The following NR1H4 variants were observed in gnomAD, a reference collection of about 807,000 sequenced individuals.
NR1H4 encodes nuclear receptor subfamily 1 group H member 4, also known as bile acid receptor.
NR1H4 carries 23 observed loss-of-function variants against 58.5 expected under a neutral mutation model. The observed-to-expected ratio is 0.39, with a 90% CI of 0.28 to 0.56. NR1H4 has a LOEUF of 0.56. NR1H4 is among the 20% of genes least tolerant of loss of function. The pLI is 0.58. For synonymous variants in NR1H4, 214 were observed against 198.0 expected (o/e 1.08, Z -0.68); for missense variants, 487 against 576.9 (o/e 0.84, Z 1.60).
chr12:100,539,097 T>C (rs1424673509), intron 8 of NR1H4, among the ~76,000 whole-genome samples: 4 of 152,198 alleles, frequency 2.6e-5, no homozygotes, highest in Non-Finnish European at 2.9e-5. Context: ...AGGTAGCTTA[T>C]CTGAAAGCAA....
At chr12:100,498,348 C>T (rs1014849970) in intron 3 of NR1H4, among the ~76,000 whole-genome samples, 10 of 152,084 alleles carry the variant, frequency 6.6e-5, no homozygotes, top group Admixed American at 1.3e-4. Context: ...ATCAACAATA[C>T]GTAAATAAGG....
intron 9 of NR1H4, among the ~76,000 whole-genome samples, chr12:100,547,862 C>G (rs377696819): frequency 6.6e-6 from 1 of 151,174 alleles, no homozygotes; most frequent in Admixed American, 6.6e-5. Flanking sequence ...CTGGGACTAC[C>G]GGGGCGTGCC....
In NR1H4 at chr12:100,563,331, A is replaced by T. The variant is rs1350479981; in HGVS notation, c.1273A>T (p.Ile425Phe). 6.2e-7 allele frequency: 1 copy of T among 1,614,160 alleles called. No homozygotes were observed. Among genetic ancestry groups the T allele is most frequent in the Non-Finnish European group, 8.5e-7 (1 of 1,180,026 alleles). ...TGATGTGCTACAAAAGTTGTGTAAGATTCACCAGCCTGAAAATCCTCAACA... is the reference window on the plus strand; with the variant it reads ...TGATGTGCTACAAAAGTTGTGTAAGTTTCACCAGCCTGAAAATCCTCAACA... The part of the protein sequence containing the change: ...LLDVLQKLCK[I>F]HQPENPQHFA... Residue 425 changes from isoleucine to phenylalanine, a missense_variant, in exon 11 of 11, where the codon ATT becomes TTT. By Grantham distance (21) the Ile-to-Phe change is conservative. Coordinates refer to ENST00000392986, the MANE Select transcript of NR1H4 (RefSeq NM_001206979.2).
At chr12:100,499,626 G>T (rs1158998581) in intron 3 of NR1H4, among the ~76,000 whole-genome samples, 2 of 152,176 alleles carry the variant, frequency 1.3e-5, no homozygotes, top group African/African-American at 2.4e-5. Context: ...TGGCCAGCTG[G>T]TAGGCGATTC....
chr12:100,558,694 A>G (rs1049559349), intron 9 of NR1H4, among the ~76,000 whole-genome samples: 1 of 152,256 alleles, frequency 6.6e-6, no homozygotes, highest in South Asian at 2.1e-4. Context: ...TGAGCTAGAT[A>G]AAAGAGAAAA....
At chr12:100,494,612 G>A (rs1953672384) in intron 3 of NR1H4, among the ~76,000 whole-genome samples, 1 of 152,196 alleles carries the variant, frequency 6.6e-6, no homozygotes, top group African/African-American at 2.4e-5. Context: ...CTTCCAGTTG[G>A]CTTATCTTCA....
intron 3 of NR1H4, chr12:100,503,411 A>G (rs1953880986): frequency 6.3e-7 from 1 of 1,597,582 alleles, no homozygotes; most frequent in Non-Finnish European, 8.5e-7. Flanking sequence ...TTCAGGGGTT[A>G]GAAAATCCAA....
chr12:100,530,874 C>A (rs1376751159), intron 4 of NR1H4, among the ~76,000 whole-genome samples: 1 of 152,144 alleles, frequency 6.6e-6, no homozygotes, highest in East Asian at 1.9e-4. Flanking sequence ...TGACATGTAT[C>A]CCCTGAAGCT....
chr12:100,476,837 T>C (rs1022006687), intron 1 of NR1H4, among the ~76,000 whole-genome samples: 2 of 152,116 alleles, frequency 1.3e-5, no homozygotes, highest in African/African-American at 4.8e-5. Context: ...CAGTGAGCTA[T>C]GATAATGCCA....
chr12:100,475,465 A>G (rs1238720387), intron 1 of NR1H4, among the ~76,000 whole-genome samples: 2 of 152,108 alleles, frequency 1.3e-5, no homozygotes, highest in Admixed American at 6.6e-5. Context: ...CCCACCACGT[A>G]CCTCTGCCCT....
chr12:100,484,051 C>A (rs1163393504), intron 1 of NR1H4, among the ~76,000 whole-genome samples: 1 of 151,064 alleles, frequency 6.6e-6, no homozygotes, highest in African/African-American at 2.4e-5. Flanking sequence ...TTCCTCTGAG[C>A]ATAAAATGAT....
At chr12:100,519,911 C>T (rs1413329398) in intron 4 of NR1H4, among the ~76,000 whole-genome samples, 1 of 152,140 alleles carries the variant, frequency 6.6e-6, no homozygotes. Flanking sequence ...GGCTTAAGCT[C>T]TGGCGTCTGA....
chr12:100,478,151 G>C (rs1158997840), intron 1 of NR1H4, among the ~76,000 whole-genome samples: 1 of 152,000 alleles, frequency 6.6e-6, no homozygotes, highest in African/African-American at 2.4e-5. Context: ...CTCTGGTGCT[G>C]GTTGTTGAAA....
chr12:100,514,039 G>A (rs1828859313), intron 4 of NR1H4, among the ~76,000 whole-genome samples: 1 of 152,142 alleles, frequency 6.6e-6, no homozygotes, highest in South Asian at 2.1e-4. Flanking sequence ...TACACTGGAG[G>A]GCAAATTAGG....
Position 100,536,758 on chromosome 12 carries a change from A to G in NR1H4, c.831+148A>G. The G allele has an allele frequency of 8.8e-6, 6 of 678,364 alleles. No homozygotes were observed. The South Asian group carries it at 9.4e-5, about 11-fold the overall frequency. 42.0% of individuals were successfully genotyped at this position (678,364 alleles called of 1,614,324 possible). ...GTTAGACTTTTAAACTCTCAGCAAC[A>G]TTAAACAATTCAAGAGTATGAAGTC... On this transcript the variant is annotated intron_variant, in intron 7 of 10. Coordinates refer to ENST00000392986, the MANE Select transcript of NR1H4 (RefSeq NM_001206979.2).
chr12:100,487,599 T>C (rs1486672725), intron 1 of NR1H4, among the ~76,000 whole-genome samples: 5 of 145,316 alleles, frequency 3.4e-5, no homozygotes, highest in East Asian at 3.9e-4. Context: ...CTTCTTCTTT[T>C]TTTTTTTTTT....
At chr12:100,508,511 G>T (rs534715885) in intron 3 of NR1H4, among the ~76,000 whole-genome samples, 20 of 152,134 alleles carry the variant, frequency 1.3e-4, no homozygotes, top group Admixed American at 1.3e-3. Context: ...CAGTGCATGG[G>T]CTTTGAGATT....
chr12:100,499,022 C>T (rs901650191), intron 3 of NR1H4, among the ~76,000 whole-genome samples: 14 of 152,192 alleles, frequency 9.2e-5, no homozygotes, highest in Non-Finnish European at 4.4e-5. Context: ...CCTTGAACTA[C>T]TGGGCCCAAG....
intron 4 of NR1H4, among the ~76,000 whole-genome samples, chr12:100,524,100 G>A (rs1566455670): frequency 6.6e-6 from 1 of 152,056 alleles, no homozygotes; most frequent in East Asian, 1.9e-4. Flanking sequence ...AAACTAAGAT[G>A]ATAAAAACTA....
Sources: allele counts gnomAD v4.1 joint callset (sites outside exome capture counted in the v4.1 genomes callset), GRCh38; gene constraint gnomAD v4.1.1; transcripts MANE v1.5; gene names NCBI Gene and HGNC (gene_info 2026-07-23, HGNC 2026-07-21).